Variants in GRIK2 observed in about 807,000 individuals in gnomAD.
GRIK2 encodes the protein glutamate ionotropic receptor kainate type subunit 2.
Under a neutral mutation model 100.3 loss-of-function variants are expected in GRIK2, and 32 were observed. The observed-to-expected ratio is 0.32, with a 90% CI of 0.24 to 0.43. GRIK2 has a LOEUF of 0.43. GRIK2 is among the 20% of genes least tolerant of loss of function. The probability of loss-of-function intolerance (pLI) is 1.00; values close to 1 mark genes in which losing one functional copy is unlikely to be tolerated. For synonymous variants in GRIK2, 417 were observed against 389.4 expected, an observed-to-expected ratio of 1.07 and a Z score of -0.83; for missense variants, 843 against 1,114.9, an observed-to-expected ratio of 0.76 and a Z score of 3.47.
intron 14 of GRIK2, among the ~76,000 whole-genome samples, chr6:101,971,205 T>A (rs1201508967): frequency 6.6e-6 from 1 of 151,984 alleles, no homozygotes; most frequent in Non-Finnish European, 1.5e-5. Flanking sequence ...ATTTCAAATA[T>A]ATTTTGTTAG....
chr6:101,651,092 A>G (rs1781769624), intron 4 of GRIK2, among the ~76,000 whole-genome samples: 1 of 151,204 alleles, frequency 6.6e-6, no homozygotes, highest in Non-Finnish European at 1.5e-5. Flanking sequence ...CTCTCATCTA[A>G]AATGTTTCAC....
At chr6:101,785,586 G>A (rs1040453981) in intron 7 of GRIK2, among the ~76,000 whole-genome samples, 4 of 151,834 alleles carry the variant, frequency 2.6e-5, no homozygotes, top group Admixed American at 6.6e-5. Context: ...TTCTGTTTCC[G>A]ACGTATATTC....
At chr6:101,520,243 A>C (rs2128281153) in intron 2 of GRIK2, among the ~76,000 whole-genome samples, 1 of 151,834 alleles carries the variant, frequency 6.6e-6, no homozygotes, top group East Asian at 1.9e-4. Flanking sequence ...CTTTTTCTTA[A>C]ATGTATTAGT....
chr6:101,976,261 T>C (rs1434107924), intron 14 of GRIK2, among the ~76,000 whole-genome samples: 1 of 151,980 alleles, frequency 6.6e-6, no homozygotes, highest in Non-Finnish European at 1.5e-5. Flanking sequence ...TGTTATGTAA[T>C]ATATTTTTCT....
chr6:102,042,303 C>T (rs924837315), intron 15 of GRIK2, among the ~76,000 whole-genome samples: 15 of 151,652 alleles, frequency 9.9e-5, no homozygotes, highest in African/African-American at 3.4e-4. Flanking sequence ...GACCAATCTA[C>T]AAGAATTTCA....
intron 11 of GRIK2, among the ~76,000 whole-genome samples, chr6:101,864,939 TA>T (rs1784958582): frequency 6.6e-6 from 1 of 152,238 alleles, no homozygotes; most frequent in African/African-American, 2.4e-5. Context: ...AGCTCTTTTA[TA>T]AGTGCCAAAC....
At chr6:101,884,372 G>T (rs1187281507) in intron 11 of GRIK2, among the ~76,000 whole-genome samples, 2 of 152,092 alleles carry the variant, frequency 1.3e-5, no homozygotes, top group Non-Finnish European at 2.9e-5. Context: ...GCGTTAAACT[G>T]CAAGAACCTT....
At chr6:101,936,594 C>T (rs537396267) in intron 14 of GRIK2, among the ~76,000 whole-genome samples, 1 of 152,084 alleles carries the variant, frequency 6.6e-6, no homozygotes, top group Non-Finnish European at 1.5e-5. Context: ...ATTTATTGTA[C>T]GTGAGGCCTG....
chr6:101,873,931 G>T (rs1054688743), intron 11 of GRIK2, among the ~76,000 whole-genome samples: 16 of 151,822 alleles, frequency 1.1e-4, no homozygotes, highest in South Asian at 4.1e-4. Context: ...TTGCCCACTT[G>T]TTGATGGGGT....
Position 101,695,369 on chromosome 6 carries a change from A to G in GRIK2, c.951+9016A>G, listed in dbSNP as rs370392953. Among the ~76,000 whole-genome samples, 5 of 152,210 alleles carry G rather than the reference A, an allele frequency of 3.3e-5. No individual in the cohort carries two copies. In the East Asian group the frequency reaches 5.8e-4, roughly 18 times the overall value. ...TGCTTAATGCAGTGATGATGACTTA[A>G]TCATCTCTCAAAAGCCACACCTTTT... is the stretch of plus-strand genomic sequence containing the variant. On this transcript the variant is annotated intron_variant, in intron 7 of 16. Coordinates refer to ENST00000369134, the MANE Select transcript of GRIK2 (RefSeq NM_021956.5).
intron 14 of GRIK2, among the ~76,000 whole-genome samples, chr6:102,027,087 T>C (rs36026138): frequency 0.092 from 13,954 of 151,312 alleles, 882 homozygotes; most frequent in Non-Finnish European, 0.14. Flanking sequence ...GACCTTGCTA[T>C]GAGCATTAGG....
chr6:101,734,790 T>C (rs1285409646), intron 7 of GRIK2, among the ~76,000 whole-genome samples: 1 of 152,186 alleles, frequency 6.6e-6, no homozygotes, highest in Non-Finnish European at 1.5e-5. Flanking sequence ...ATTACTATTA[T>C]TATTTTTTAA....
chr6:101,653,353 C>T (rs1393003505), intron 4 of GRIK2, among the ~76,000 whole-genome samples: 1 of 151,956 alleles, frequency 6.6e-6, no homozygotes, highest in Non-Finnish European at 1.5e-5. Flanking sequence ...TCATCCTATG[C>T]CTATATAATG....
At chr6:101,573,808 A>G (rs1443676570) in intron 2 of GRIK2, among the ~76,000 whole-genome samples, 1 of 152,130 alleles carries the variant, frequency 6.6e-6, no homozygotes, top group Non-Finnish European at 1.5e-5. Flanking sequence ...TAAATTGAGA[A>G]TTCCCTAATT....
intron 2 of GRIK2, among the ~76,000 whole-genome samples, chr6:101,544,904 C>A (rs940555492): frequency 6.6e-6 from 1 of 152,146 alleles, no homozygotes; most frequent in Admixed American, 6.5e-5. Flanking sequence ...GAGCTGTGCT[C>A]ATGAAATAAA....
chr6:101,704,441 T>C (rs1773116542), intron 7 of GRIK2, among the ~76,000 whole-genome samples: 1 of 151,716 alleles, frequency 6.6e-6, no homozygotes, highest in African/African-American at 2.4e-5. Flanking sequence ...ATGCAAAAAT[T>C]AAAAGATACA....
At chr6:101,541,969 A>G (rs899844941) in intron 2 of GRIK2, among the ~76,000 whole-genome samples, 7 of 152,072 alleles carry the variant, frequency 4.6e-5, no homozygotes, top group East Asian at 1.9e-4. Context: ...AATTATTTTT[A>G]CTTATTAGCA....
chr6:101,555,520 A>G (rs1456867401), intron 2 of GRIK2, among the ~76,000 whole-genome samples: 5 of 152,214 alleles, frequency 3.3e-5, no homozygotes, highest in South Asian at 2.1e-4. Flanking sequence ...AGGGACTTCA[A>G]TGATACTCAG....
chr6:101,588,909 C>T (rs138064654), intron 2 of GRIK2, among the ~76,000 whole-genome samples: 18 of 151,936 alleles, frequency 1.2e-4, no homozygotes, highest in African/African-American at 3.9e-4. Flanking sequence ...GCAAGAATAC[C>T]AGTGAGCCCA....
Sources: allele counts gnomAD v4.1 joint callset (sites outside exome capture counted in the v4.1 genomes callset), GRCh38; gene constraint gnomAD v4.1.1; transcripts MANE v1.5; gene names NCBI Gene and HGNC (gene_info 2026-07-23, HGNC 2026-07-21).